Variants in LRP1B observed in about 807,000 individuals in gnomAD.
LRP1B encodes the protein low-density lipoprotein receptor-related protein 1B.
A neutral mutation model predicts 556.6 loss-of-function variants in LRP1B; 217 were observed. The ratio of observed to expected loss-of-function variants is 0.39; its 90% CI spans 0.35 to 0.44. The LOEUF (loss-of-function observed/expected upper bound fraction) is 0.44. Among genes scored for constraint, LRP1B ranks in the 20% least tolerant of loss-of-function variants. The pLI, the probability that LRP1B is intolerant of heterozygous loss-of-function variation, is 1.00. For missense variants in LRP1B, 5,053 were observed against 5,620.8 expected, an observed-to-expected ratio of 0.90 and a Z score of 3.23; for synonymous variants, 2,047 against 1,865.8, an observed-to-expected ratio of 1.10 and a Z score of -2.50.
chr2:141,482,808 AT>A (rs1682972022), intron 2 of LRP1B, among the ~76,000 whole-genome samples: 1 of 152,144 alleles, frequency 6.6e-6, no homozygotes, highest in Admixed American at 6.6e-5. Flanking sequence ...GGCCAGTTAT[AT>A]TTAGACCTTT....
At chr2:141,128,179 G>A (rs1316397210) in intron 7 of LRP1B, among the ~76,000 whole-genome samples, 1 of 152,062 alleles carries the variant, frequency 6.6e-6, no homozygotes, top group Non-Finnish European at 1.5e-5. Context: ...CAACATAACA[G>A]AGTAATTTAT....
At chr2:141,928,352 T>A (rs2104988996) in intron 1 of LRP1B, among the ~76,000 whole-genome samples, 1 of 152,310 alleles carries the variant, frequency 6.6e-6, no homozygotes, top group Admixed American at 6.5e-5. Context: ...TACGCAAATA[T>A]TTTTAAATAA....
intron 41 of LRP1B, among the ~76,000 whole-genome samples, chr2:140,656,122 T>C (rs1684872396): frequency 6.6e-6 from 1 of 152,194 alleles, no homozygotes; most frequent in Non-Finnish European, 1.5e-5. Context: ...GAATTAATCA[T>C]GTTTTTTGTT....
chr2:140,928,183 A>G (rs774162088), intron 20 of LRP1B, among the ~76,000 whole-genome samples: 26 of 152,114 alleles, frequency 1.7e-4, no homozygotes, highest in Non-Finnish European at 3.5e-4. Context: ...ATGAGCAGAG[A>G]AGGGAGCATA....
Position 140,966,982 on chromosome 2 carries a change from C to T in LRP1B, c.2888-15042G>A, listed in dbSNP as rs546199854. On this transcript the variant is annotated intron_variant, in intron 18 of 90. Transcript: ENST00000389484. ...AGTTTGAAGTCAGGTAGAGTGATGCCTCCAGCTTTGTTCTTTTGCCTTAGG... is the reference window on the plus strand; with the variant it reads ...AGTTTGAAGTCAGGTAGAGTGATGCTTCCAGCTTTGTTCTTTTGCCTTAGG... 6.4e-4 allele frequency among the ~76,000 whole-genome samples: 97 copies of T among 152,206 alleles called. 1 individual carries two copies. The highest frequency in any genetic ancestry group is 2.3e-3 in the African/African-American group (96 of 41,526).
chr2:141,179,897 T>TG (rs2105168719), intron 7 of LRP1B, among the ~76,000 whole-genome samples: 1 of 150,714 alleles, frequency 6.6e-6, no homozygotes, highest in South Asian at 2.1e-4. Context: ...TTTTCCTTTT[T>TG]TTTTTTTTTT....
intron 1 of LRP1B, among the ~76,000 whole-genome samples, chr2:141,924,244 G>A (rs1165320998): frequency 6.6e-6 from 1 of 152,054 alleles, no homozygotes; most frequent in East Asian, 2.0e-4. Context: ...GAGAAGGTAT[G>A]TCTGAACACC....
intron 3 of LRP1B, among the ~76,000 whole-genome samples, chr2:141,409,691 A>G (rs1273425803): frequency 6.6e-6 from 1 of 152,104 alleles, no homozygotes; most frequent in African/African-American, 2.4e-5. Flanking sequence ...TCAAACCAAC[A>G]ATGCAAACAA....
intron 2 of LRP1B, among the ~76,000 whole-genome samples, chr2:141,765,521 C>A (rs1574336404): frequency 6.6e-6 from 1 of 152,002 alleles, no homozygotes; most frequent in South Asian, 2.1e-4. Flanking sequence ...CAAGTAGTAG[C>A]AATACCAACA....
At chr2:141,982,041 C>A (rs1702057127) in intron 1 of LRP1B, among the ~76,000 whole-genome samples, 7 of 152,040 alleles carry the variant, frequency 4.6e-5, no homozygotes. Flanking sequence ...TATCACTGAC[C>A]AAGTAAAAAT....
intron 7 of LRP1B, among the ~76,000 whole-genome samples, chr2:141,106,331 A>G (rs1248360335): frequency 6.6e-6 from 1 of 152,214 alleles, no homozygotes. Context: ...CCCAAAAAAC[A>G]CTGAGCTAAG....
At chr2:140,728,874 T>C (rs1687683230) in intron 35 of LRP1B, among the ~76,000 whole-genome samples, 1 of 152,148 alleles carries the variant, frequency 6.6e-6, no homozygotes, top group East Asian at 1.9e-4. Flanking sequence ...CTGAATAAAA[T>C]GGAAGTAATA....
At chr2:141,517,477 T>C (rs1684368418) in intron 2 of LRP1B, among the ~76,000 whole-genome samples, 1 of 152,140 alleles carries the variant, frequency 6.6e-6, no homozygotes. Flanking sequence ...AATCACTAGG[T>C]ATGCAATACA....
At chr2:140,633,403 C>A (rs1208546357) in intron 41 of LRP1B, among the ~76,000 whole-genome samples, 1 of 152,044 alleles carries the variant, frequency 6.6e-6, no homozygotes. Context: ...TAATCTCAGG[C>A]TCTACTGCAG....
At chr2:141,111,347 TAC>T (rs1277902146) in intron 7 of LRP1B, among the ~76,000 whole-genome samples, 2 of 125,230 alleles carry the variant, frequency 1.6e-5, no homozygotes, top group Non-Finnish European at 3.5e-5. Flanking sequence ...AGCAAACAAG[TAC>T]AGTTAATCCT....
intron 35 of LRP1B, among the ~76,000 whole-genome samples, chr2:140,741,618 A>C (rs1313777183): frequency 6.6e-6 from 1 of 151,998 alleles, no homozygotes; most frequent in African/African-American, 2.4e-5. Flanking sequence ...GTAGATTTTT[A>C]ATTCTCACCG....
intron 1 of LRP1B, among the ~76,000 whole-genome samples, chr2:141,966,472 C>G (rs1215227726): frequency 1.3e-5 from 2 of 151,908 alleles, no homozygotes; most frequent in African/African-American, 4.8e-5. Flanking sequence ...AGGAGTTCCA[C>G]TTGCTGAGGT....
intron 43 of LRP1B, among the ~76,000 whole-genome samples, chr2:140,581,089 G>A (rs1321130926): frequency 6.6e-6 from 1 of 152,166 alleles, no homozygotes; most frequent in Non-Finnish European, 1.5e-5. Flanking sequence ...ATGAGTTACA[G>A]ACATGAACCT....
At chr2:140,842,157 A>G (rs1252788684) in intron 29 of LRP1B, among the ~76,000 whole-genome samples, 2 of 152,322 alleles carry the variant, frequency 1.3e-5, no homozygotes, top group East Asian at 3.9e-4. Flanking sequence ...TCGAATTGCT[A>G]TAACTTCCCT....
Sources: allele counts gnomAD v4.1 joint callset (sites outside exome capture counted in the v4.1 genomes callset), GRCh38; gene constraint gnomAD v4.1.1; transcripts MANE v1.5; gene names NCBI Gene and HGNC (gene_info 2026-07-23, HGNC 2026-07-21).